FBN1: variants seen among roughly 807,000 people sequenced by gnomAD.
The protein encoded by FBN1 is fibrillin-1.
In FBN1, 29 loss-of-function variants were observed where a neutral mutation model predicts 365.1. The observed-to-expected ratio is 0.08, with a 90% confidence interval of 0.06 to 0.11. FBN1 has a LOEUF of 0.11. Among genes scored for constraint, FBN1 ranks in the 10% least tolerant of loss-of-function variants. The probability of loss-of-function intolerance (pLI) is 1.00; values close to 1 mark genes in which losing one functional copy is unlikely to be tolerated. For synonymous variants in FBN1, 1,210 were observed against 1,270.5 expected (o/e 0.95, Z 1.01); for missense variants, 2,476 against 3,703.2 (o/e 0.67, Z 8.60).
intron 2 of FBN1, chr15:48,641,470 C>A (rs1008761818): frequency 6.6e-6 from 1 of 152,182 alleles, no homozygotes; most frequent in Admixed American, 6.5e-5. Flanking sequence ...TTTGTAGTCA[C>A]CTGCCACATC....
chr15:48,561,911 TA>T (rs35097328), intron 6 of FBN1, among the ~76,000 whole-genome samples: 22,158 of 152,068 alleles, frequency 0.15, 1,822 homozygotes, highest in East Asian at 0.36. Context: ...GGCTTATTGG[TA>T]AAAAGCCCAA....
rs1219583611 is a variant in FBN1 at position 48,468,451 on chromosome 15, G to A, written c.4543C>T (p.Pro1515Ser). 2.5e-6 allele frequency: 4 copies of A among 1,614,148 alleles called. No individual in the cohort carries two copies. The highest frequency in any genetic ancestry group is 3.4e-6 in the Non-Finnish European group (4 of 1,180,024). The change falls in exon 37 of 66, where the codon CCT becomes TCT. Residue 1515 changes from proline to serine, a missense_variant. This residue lies in a region of FBN1 where 1,780 missense variants were observed against 2,840.8 expected (regional missense o/e 0.63). Coordinates refer to ENST00000316623, the MANE Select transcript of FBN1 (RefSeq NM_000138.5). ...TPGSYICDCP[P>S]DFELNPTRVG... ...CGAGTTGGGTTCAGTTCAAAATCAG[G>A]TGGGCAGTCACAGATATAGCTGCCT...
At chr15:48,514,361 T>C (rs529417686) in intron 12 of FBN1, among the ~76,000 whole-genome samples, 1 of 152,342 alleles carries the variant, frequency 6.6e-6, no homozygotes, top group South Asian at 2.1e-4. Flanking sequence ...GAGTTAGATG[T>C]TCCCACTTCT....
At chr15:48,493,661 A>G (rs1204372927) in intron 23 of FBN1, among the ~76,000 whole-genome samples, 2 of 152,188 alleles carry the variant, frequency 1.3e-5, no homozygotes, top group African/African-American at 4.8e-5. Flanking sequence ...CATCCCACAT[A>G]TGGGACTAAT....
chr15:48,541,903 T>C (rs1347721192), intron 6 of FBN1, among the ~76,000 whole-genome samples: 2 of 152,196 alleles, frequency 1.3e-5, no homozygotes, highest in African/African-American at 4.8e-5. Context: ...CACTTCCTTA[T>C]AAGACCTTCA....
At chr15:48,580,984 A>G (rs1326953334) in intron 6 of FBN1, among the ~76,000 whole-genome samples, 1 of 152,214 alleles carries the variant, frequency 6.6e-6, no homozygotes, top group Non-Finnish European at 1.5e-5. Context: ...CATGACTTGA[A>G]CTTGCTGTCA....
intron 3 of FBN1, among the ~76,000 whole-genome samples, chr15:48,611,639 T>C (rs2044657065): frequency 6.6e-6 from 1 of 152,216 alleles, no homozygotes; most frequent in Admixed American, 6.5e-5. Flanking sequence ...TGGAATCTAC[T>C]GCTAGAGTAC....
At position 48,465,448 on chromosome 15, in the gene FBN1, G is replaced by A; in HGVS notation, c.4942+120C>T. On this transcript the variant is annotated intron_variant, in intron 40 of 65. Transcript: ENST00000316623. ...ATGTGAGACATATCTACCTGGCTAT[G>A]TTCGTGTTTAGAACATTGTGCTACA... 3 of 1,157,276 alleles carry A rather than the reference G, an allele frequency of 2.6e-6. No homozygotes were observed. In the South Asian group the frequency reaches 3.9e-5, roughly 15 times the overall value. The allele number at this position is 1,157,276 out of a possible 1,614,324, so 71.7% of individuals were successfully genotyped here. A position where few individuals can be genotyped will look rare whatever the true frequency, so the allele number is the denominator to read the frequency against.
chr15:48,543,851 C>A (rs1030339864), intron 6 of FBN1, among the ~76,000 whole-genome samples: 2 of 152,118 alleles, frequency 1.3e-5, no homozygotes, highest in African/African-American at 4.8e-5. Context: ...TGGTTACATA[C>A]AAGAATGTCC....
At chr15:48,504,091 TA>T (rs1566913779) in intron 16 of FBN1, 152 bp from the exon 17 acceptor site, 2 of 979,984 alleles carry the variant, frequency 2.0e-6, no homozygotes, top group Non-Finnish European at 1.6e-6. Flanking sequence ...GAAGAAAAAA[TA>T]AACAAAAACA....
chr15:48,635,914 G>C (rs1000707531), intron 2 of FBN1, among the ~76,000 whole-genome samples: 3 of 152,224 alleles, frequency 2.0e-5, no homozygotes, highest in Admixed American at 2.0e-4. Flanking sequence ...AGTTACAGCA[G>C]CAAAATACAA....
chr15:48,469,770 T>C (rs912214765), intron 36 of FBN1, among the ~76,000 whole-genome samples: 10 of 151,940 alleles, frequency 6.6e-5, no homozygotes, highest in African/African-American at 2.4e-4. Flanking sequence ...GTACAGGCCA[T>C]GGAGAGGGGG....
chr15:48,556,221 G>GA (rs1376485828), intron 6 of FBN1, among the ~76,000 whole-genome samples: 50 of 152,254 alleles, frequency 3.3e-4, no homozygotes, highest in African/African-American at 1.1e-3. Flanking sequence ...TATACCACTG[G>GA]AATCCTGGTA....
At chr15:48,566,216 A>AT (rs1188695260) in intron 6 of FBN1, among the ~76,000 whole-genome samples, 1 of 152,172 alleles carries the variant, frequency 6.6e-6, no homozygotes, top group Non-Finnish European at 1.5e-5. Context: ...TCCACCACAG[A>AT]TTTACCACCC....
chr15:48,643,818 A>G (rs911138806), intron 2 of FBN1: 4 of 152,226 alleles, frequency 2.6e-5, no homozygotes, highest in Non-Finnish European at 4.4e-5. Context: ...AAGGAAATGT[A>G]TTCCCACTGT....
chr15:48,415,943 T>A (rs1282323564), intron 63 of FBN1, among the ~76,000 whole-genome samples, 176 bp from the exon 64 acceptor site: 1 of 152,068 alleles, frequency 6.6e-6, no homozygotes, highest in Non-Finnish European at 1.5e-5. Context: ...CGGGCATGGA[T>A]GTGGCTTCTT....
At chr15:48,613,570 C>T (rs184102072) in intron 2 of FBN1, among the ~76,000 whole-genome samples, 44 of 152,158 alleles carry the variant, frequency 2.9e-4, no homozygotes, top group Non-Finnish European at 5.3e-4. Flanking sequence ...ATTACAGGAA[C>T]GCAAACTCTG....
chr15:48,474,104 A>AT (rs367657613), intron 34 of FBN1, 151 bp downstream of exon 34: 7,462 of 1,007,954 alleles, frequency 7.4e-3, no homozygotes, highest in Non-Finnish European at 8.5e-3. Flanking sequence ...CCTGGTTCCA[A>AT]TTTTTTTTTT....
intron 6 of FBN1, among the ~76,000 whole-genome samples, chr15:48,576,603 G>A (rs1180217807): frequency 3.3e-5 from 5 of 152,140 alleles, no homozygotes; most frequent in Non-Finnish European, 5.9e-5. Flanking sequence ...AGGGAAGAGA[G>A]GGACTAAAAT....
Sources: allele counts gnomAD v4.1 joint callset (sites outside exome capture counted in the v4.1 genomes callset), GRCh38; gene constraint gnomAD v4.1.1; regional missense constraint gnomAD v4.1.1; transcripts MANE v1.5; gene names NCBI Gene and HGNC (gene_info 2026-07-23, HGNC 2026-07-21).